The following ANK3 variants were observed in gnomAD, a reference collection of about 807,000 sequenced individuals.
ANK3 encodes the protein ankyrin-3.
ANK3 carries 57 observed loss-of-function variants against 370.9 expected under a neutral mutation model. The observed-to-expected ratio is 0.15, with a 90% CI of 0.12 to 0.19. The LOEUF (loss-of-function observed/expected upper bound fraction) is 0.19. Among genes scored for constraint, ANK3 ranks in the 10% least tolerant of loss-of-function variants. ANK3 has a pLI of 1.00. For synonymous variants in ANK3, 1,929 were observed against 1,946.3 expected (o/e 0.99, Z 0.23); for missense variants, 4,439 against 5,302.1 (o/e 0.84, Z 5.06).
At chr10:60,209,200 G>GT (rs1394498748) in intron 9 of ANK3, among the ~76,000 whole-genome samples, 31 of 152,110 alleles carry the variant, frequency 2.0e-4, no homozygotes, top group Non-Finnish European at 1.5e-5. Context: ...ATCAATTATT[G>GT]TAACATAATT....
chr10:60,534,602 C>G (rs2076681517), intron 2 of ANK3, among the ~76,000 whole-genome samples: 1 of 152,122 alleles, frequency 6.6e-6, no homozygotes, highest in Non-Finnish European at 1.5e-5. Flanking sequence ...AAGTCTGCAA[C>G]AACCTAAATT....
At chr10:60,586,784 A>G (rs1199050644) in intron 2 of ANK3, among the ~76,000 whole-genome samples, 1 of 152,158 alleles carries the variant, frequency 6.6e-6, no homozygotes, top group African/African-American at 2.4e-5. Context: ...TGCATGTATC[A>G]CCTCCAAAAC....
intron 1 of ANK3, among the ~76,000 whole-genome samples, chr10:60,668,950 G>A (rs1330211535): frequency 3.3e-5 from 5 of 151,872 alleles, no homozygotes; most frequent in South Asian, 2.1e-4. Flanking sequence ...CCAAGATCGC[G>A]CCACTGCACT....
At chr10:60,542,957 A>C (rs555647863) in intron 2 of ANK3, among the ~76,000 whole-genome samples, 24 of 152,132 alleles carry the variant, frequency 1.6e-4, no homozygotes, top group African/African-American at 5.8e-4. Flanking sequence ...GCTTGTCCTT[A>C]GTATGGTTTT....
intron 17 of ANK3, among the ~76,000 whole-genome samples, chr10:60,184,760 T>C (rs2096281853): frequency 6.6e-6 from 1 of 152,174 alleles, no homozygotes; most frequent in Non-Finnish European, 1.5e-5. Context: ...ATTGTACCAG[T>C]TGGCTGCAGG....
At chr10:60,278,975 C>G (rs777018514) in intron 3 of ANK3, 75 bp downstream of exon 3, 3 of 1,557,978 alleles carry the variant, frequency 1.9e-6, no homozygotes, top group African/African-American at 2.7e-5. Context: ...GATATGTGCC[C>G]CCATTCTTAC....
chr10:60,038,171 T>G (rs2075446509), intron 43 of ANK3, among the ~76,000 whole-genome samples: 2 of 152,034 alleles, frequency 1.3e-5, no homozygotes, highest in African/African-American at 2.4e-5. Flanking sequence ...CCAAGGTGAG[T>G]GGATCACTTG....
At chr10:60,715,122 C>CAGAA (rs143832173) in intron 1 of ANK3, among the ~76,000 whole-genome samples, 46,538 of 151,652 alleles carry the variant, frequency 0.31, 7,472 homozygotes, top group South Asian at 0.48. Flanking sequence ...TTTTCTACTC[C>CAGAA]ATTTTTCTGT....
intron 1 of ANK3, among the ~76,000 whole-genome samples, chr10:60,644,471 C>T (rs79102984): frequency 0.045 from 6,834 of 152,222 alleles, 226 homozygotes; most frequent in Middle Eastern, 0.082. Context: ...ATAAAAACCA[C>T]TACGTTTTAA....
Position 60,026,504 on chromosome 10 carries a change from T to C in ANK3, c.*3342A>G, listed in dbSNP as rs2072411235. The C allele has an allele frequency of 6.6e-6, 1 of 152,210 alleles. No homozygotes were observed. Among genetic ancestry groups the C allele is most frequent in the Non-Finnish European group, 1.5e-5 (1 of 68,052 alleles). The allele number at this position is 152,210 out of a possible 1,614,324, so 9.4% of individuals were successfully genotyped here. On this transcript the variant is annotated 3_prime_UTR_variant, in exon 44 of 44. Transcript: ENST00000280772. ...GAGAGACTCAGAAGATGCCTTATTA[T>C]TTTTGTGATTTATTTCTGGGCTTCT...
chr10:60,506,291 G>A (rs1025697559), intron 2 of ANK3, among the ~76,000 whole-genome samples: 4 of 151,950 alleles, frequency 2.6e-5, no homozygotes, highest in African/African-American at 9.7e-5. Context: ...CCCTTTAAAG[G>A]ACTATGCAAA....
intron 2 of ANK3, among the ~76,000 whole-genome samples, chr10:60,563,504 G>A (rs1269252378): frequency 6.6e-6 from 1 of 152,140 alleles, no homozygotes; most frequent in Non-Finnish European, 1.5e-5. Context: ...CCCCAGCAGT[G>A]TCTTGGGGCA....
chr10:60,585,386 T>G (rs955175948), intron 2 of ANK3, among the ~76,000 whole-genome samples: 1 of 152,088 alleles, frequency 6.6e-6, no homozygotes, highest in Non-Finnish European at 1.5e-5. Context: ...AAAGTTTAAG[T>G]ATAGGATAGA....
chr10:60,315,441 T>G (rs2047206917), intron 1 of ANK3, among the ~76,000 whole-genome samples: 1 of 152,124 alleles, frequency 6.6e-6, no homozygotes, highest in African/African-American at 2.4e-5. Flanking sequence ...AAGAAGAAGT[T>G]GGGCATAGAA....
intron 2 of ANK3, among the ~76,000 whole-genome samples, chr10:60,412,057 G>C (rs908550848): frequency 3.9e-5 from 6 of 152,114 alleles, no homozygotes; most frequent in African/African-American, 1.2e-4. Context: ...GCTCGTAGAG[G>C]GTATGTAAGG....
Position 60,026,398 on chromosome 10 carries a change from T to C in ANK3, c.*3448A>G, listed in dbSNP as rs764647934. On this transcript the variant is annotated 3_prime_UTR_variant, in exon 44 of 44. Coordinates refer to ENST00000280772, the MANE Select transcript of ANK3 (RefSeq NM_020987.5). ...CTGGGAAATTACACACCTTGTAATA[T>C]GTCACAGCCTCTTCAAGCAAATCAA... 4 of 152,226 alleles carry C rather than the reference T, an allele frequency of 2.6e-5. No individual in the cohort carries two copies. Among genetic ancestry groups the C allele is most frequent in the Admixed American group, 6.5e-5 (1 of 15,286 alleles). The allele number at this position is 152,226 out of a possible 1,614,324, so 9.4% of individuals were successfully genotyped here.
At chr10:60,368,369 G>A (rs2059672270) in intron 1 of ANK3, among the ~76,000 whole-genome samples, 1 of 152,130 alleles carries the variant, frequency 6.6e-6, no homozygotes, top group Non-Finnish European at 1.5e-5. Flanking sequence ...GGGAGTATTT[G>A]ACTTGATCTC....
At chr10:60,545,001 T>G (rs1595246951) in intron 2 of ANK3, among the ~76,000 whole-genome samples, 2 of 192 alleles carry the variant, frequency 0.01, no homozygotes, top group East Asian at 0.5. Flanking sequence ...TTGTCCCTTC[T>G]TGATTCTTCC....
intron 1 of ANK3, among the ~76,000 whole-genome samples, chr10:60,718,031 C>A (rs549377874): frequency 1.4e-4 from 22 of 152,350 alleles, no homozygotes; most frequent in Admixed American, 1.2e-3. Context: ...AGGATGCCAT[C>A]AGGCATTTGC....
Sources: gnomAD v4.1 joint callset for allele counts (sites outside exome capture counted in the v4.1 genomes callset) on GRCh38, gnomAD v4.1.1 for gene constraint, MANE v1.5 for transcripts, NCBI Gene and HGNC (gene_info 2026-07-23, HGNC 2026-07-21) for gene names.